The following CBLL1 variants were observed in gnomAD, a reference collection of about 807,000 sequenced individuals.
CBLL1 encodes Cbl proto-oncogene like 1, also known as E3 ubiquitin-protein ligase Hakai.
In CBLL1, 4 loss-of-function variants were observed where a neutral mutation model predicts 44.9. That is an observed-to-expected ratio of 0.09 (90% CI 0.04 to 0.20). The LOEUF is 0.20. Ranked by LOEUF, CBLL1 falls within the 10% of genes least tolerant of loss-of-function variation. The pLI, the probability that CBLL1 is intolerant of heterozygous loss-of-function variation, is 1.00. For synonymous variants in CBLL1, 235 were observed against 202.2 expected, an observed-to-expected ratio of 1.16 and a Z score of -1.38; for missense variants, 569 against 636.7, an observed-to-expected ratio of 0.89 and a Z score of 1.14.
chr7:107,748,880 A>C lies in CBLL1; in HGVS notation c.14A>C (p.Asp5Ala). Residue 5 changes from aspartate to alanine, a missense_variant and splice_region_variant, in exon 2 of 6, where the codon GAC (aspartate) becomes GCC (alanine). This residue lies in a region of CBLL1 where 209 missense variants were observed against 202.8 expected (regional missense o/e 1.03). Coordinates refer to ENST00000440859, the MANE Select transcript of CBLL1 (RefSeq NM_024814.4). The part of the protein sequence containing the change: MDHT[D>A]NELQGTNSSG... ...TTACAACTTTTTTTTCCTAACACAGACAATGAGTTACAAGGCACTAATAGT... is the reference window on the plus strand; with the variant it reads ...TTACAACTTTTTTTTCCTAACACAGCCAATGAGTTACAAGGCACTAATAGT... The C allele has an allele frequency of 6.3e-7, 1 of 1,586,850 alleles. No individual in the cohort carries two copies. Among genetic ancestry groups the C allele is most frequent in the Non-Finnish European group, 8.5e-7 (1 of 1,169,988 alleles).
rs1373508431 is a variant in CBLL1, at chr7:107,758,458, C to G, written c.756C>G (p.His252Gln). 1.2e-6 allele frequency: 2 copies of G among 1,614,132 alleles called. No individual in the cohort carries two copies. The highest frequency in any genetic ancestry group is 2.2e-5 in the South Asian group (2 of 91,078). ...CTTTGCAACATGTGCCACATGAGCA[C>G]TATAATCAGCCACATGAGGATATTC... Reference protein sequence around the residue: ...PPPLQHVPHEHYNQPHEDIRA... With the variant: ...PPPLQHVPHEQYNQPHEDIRA... Residue 252 changes from histidine (H) to glutamine (Q), a missense_variant, in exon 6 of 6, where the codon CAC becomes CAG. His to Gln is a conservative substitution (Grantham distance 24, BLOSUM62 0). Transcript: ENST00000440859. The surrounding 1 kb of genome is among the most constrained non-coding windows in gnomAD (Gnocchi z 4.2).
chr7:107,749,802 A>C (rs1793195659), intron 2 of CBLL1, among the ~76,000 whole-genome samples: 1 of 152,018 alleles, frequency 6.6e-6, no homozygotes, highest in Non-Finnish European at 1.5e-5. Context: ...TTTTGATGTA[A>C]ATTTATTTTA....
Position 107,758,864 on chromosome 7 carries a change from C to A in CBLL1, c.1162C>A (p.Pro388Thr). 6.2e-7 allele frequency: 1 copy of A among 1,614,022 alleles called. No individual in the cohort carries two copies. The highest frequency in any genetic ancestry group is 8.5e-7 in the Non-Finnish European group (1 of 1,179,982). ...TGCTCCACCACCAATAACCCCTCCCCCTGGACATATTATTGCCCAGATGCC... is the reference window on the plus strand; with the variant it reads ...TGCTCCACCACCAATAACCCCTCCCACTGGACATATTATTGCCCAGATGCC... ...TSAPPPITPP[P>T]GHIIAQMPPY... The change falls in exon 6 of 6, where the codon CCT becomes ACT. Residue 388 changes from proline (P) to threonine (T), a missense_variant. Coordinates refer to ENST00000440859, the MANE Select transcript of CBLL1 (RefSeq NM_024814.4). The surrounding 1 kb of genome is among the most constrained non-coding windows in gnomAD (Gnocchi z 4.2).
At chr7:107,745,955 T>C (rs976825935) in intron 1 of CBLL1, among the ~76,000 whole-genome samples, 1 of 152,220 alleles carries the variant, frequency 6.6e-6, no homozygotes, top group African/African-American at 2.4e-5. Flanking sequence ...AGATCTGCAC[T>C]GAAAATACGT....
chr7:107,757,407 A>G (rs1014897948), intron 5 of CBLL1, among the ~76,000 whole-genome samples: 1 of 152,168 alleles, frequency 6.6e-6, no homozygotes, highest in African/African-American at 2.4e-5. Context: ...TCAGATTCCT[A>G]TTTCAGTCCT....
chr7:107,744,378 C>T lies in CBLL1; in HGVS notation c.13+202C>T, dbSNP rs539268099. On this transcript the variant is annotated intron_variant, in intron 1 of 5. Coordinates refer to ENST00000440859, the MANE Select transcript of CBLL1 (RefSeq NM_024814.4). ...CCGTCTGGTGTGGTACCTACCTCCT[C>T]CGTGCCGGCAACAACCGCTCCTACT... 3.3e-5 allele frequency: 19 copies of T among 582,908 alleles called. No homozygotes were observed. The East Asian group carries it at 5.1e-4, about 16-fold the overall frequency. 36.1% of individuals were successfully genotyped at this position (582,908 alleles called of 1,614,324 possible).
chr7:107,749,221 T>C (rs1374139950), intron 2 of CBLL1, 174 bp downstream of exon 2: 1 of 505,552 alleles, frequency 2.0e-6, no homozygotes, highest in Non-Finnish European at 3.2e-6. Flanking sequence ...TTTATAAATA[T>C]TTTTTGATTT....
At chr7:107,748,090 C>T (rs953100836) in intron 1 of CBLL1, among the ~76,000 whole-genome samples, 1 of 152,016 alleles carries the variant, frequency 6.6e-6, no homozygotes, top group Admixed American at 6.5e-5. Context: ...AAATAATACT[C>T]CTGTTACTCA....
chr7:107,754,522 A>T, intron 4 of CBLL1, among the ~76,000 whole-genome samples: 1 of 152,144 alleles, frequency 6.6e-6, no homozygotes, highest in East Asian at 1.9e-4. Context: ...TTTAGAAAAA[A>T]AAAATTGAAT....
chr7:107,756,414 G>C (rs537058313), intron 5 of CBLL1, among the ~76,000 whole-genome samples: 1 of 152,176 alleles, frequency 6.6e-6, no homozygotes, highest in Admixed American at 6.5e-5. Flanking sequence ...GTTTTTATTA[G>C]CATTTTAAAG....
Position 107,759,335 on chromosome 7 carries a change from T to A in CBLL1, c.*157T>A. Reference sequence around the variant, plus strand: ...TTAAAATGGTTTTAAATCTTGACCTTAAGATTGATTTCAAGTACCATACTG... The same window carrying A: ...TTAAAATGGTTTTAAATCTTGACCTAAAGATTGATTTCAAGTACCATACTG... On this transcript the variant is annotated 3_prime_UTR_variant, in exon 6 of 6. Transcript: ENST00000440859. 1 of 649,398 alleles carries A rather than the reference T, an allele frequency of 1.5e-6. No individual in the cohort carries two copies. The highest frequency in any genetic ancestry group is 2.6e-6 in the Non-Finnish European group (1 of 386,986). The allele number at this position is 649,398 out of a possible 1,614,324, so 40.2% of individuals were successfully genotyped here.
intron 1 of CBLL1, chr7:107,744,960 TAGAG>T (rs1792935666): frequency 6.6e-6 from 1 of 152,126 alleles, no homozygotes; most frequent in African/African-American, 2.4e-5. Flanking sequence ...GTATCACAAA[TAGAG>T]AAAAAAAGGC....
At chr7:107,747,449 GA>G (rs1793072132) in intron 1 of CBLL1, among the ~76,000 whole-genome samples, 1 of 152,114 alleles carries the variant, frequency 6.6e-6, no homozygotes, top group South Asian at 2.1e-4. Context: ...AATACTTTTT[GA>G]GCAAGGAAAA....
Position 107,759,392 on chromosome 7 carries a change from C to A in CBLL1, c.*214C>A. Reference sequence around the variant, plus strand: ...AGATAAGTGGCTCAGTTGAGCACAGCTATATTTTAACATCTCTTTGTTCCC... The same window carrying A: ...AGATAAGTGGCTCAGTTGAGCACAGATATATTTTAACATCTCTTTGTTCCC... On this transcript the variant is annotated 3_prime_UTR_variant, in exon 6 of 6. Coordinates refer to ENST00000440859, the MANE Select transcript of CBLL1 (RefSeq NM_024814.4). 1 of 421,682 alleles carries A rather than the reference C, an allele frequency of 2.4e-6. No homozygotes were observed. Among genetic ancestry groups the A allele is most frequent in the Non-Finnish European group, 4.2e-6 (1 of 238,658 alleles). The allele number at this position is 421,682 out of a possible 1,614,324, so 26.1% of individuals were successfully genotyped here.
In CBLL1 at chr7:107,758,630, C is replaced by A; in HGVS notation, c.928C>A (p.Pro310Thr). 6.2e-7 allele frequency: 1 copy of A among 1,614,010 alleles called. No homozygotes were observed. Among genetic ancestry groups the A allele is most frequent in the Non-Finnish European group, 8.5e-7 (1 of 1,179,958 alleles). Residue 310 changes from proline (P) to threonine (T), a missense_variant, in exon 6 of 6, where the codon CCT (proline) becomes ACT (threonine). Physicochemically the swap from Pro to Thr is conservative, Grantham distance 38. Around this residue, in one of 5 missense-constraint regions of CBLL1, gnomAD observed 228 missense variants for 253.2 expected, o/e 0.90. Coordinates refer to ENST00000440859, the MANE Select transcript of CBLL1 (RefSeq NM_024814.4). The surrounding 1 kb of genome is among the most constrained non-coding windows in gnomAD (Gnocchi z 4.2). ...DSNSGAREPP[P>T]PAPAPAHHHP... ...AAATTCAGGTGCTAGAGAACCACCA[C>A]CTCCTGCCCCAGCACCTGCTCACCA... is the stretch of plus-strand genomic sequence containing the variant.
In CBLL1 at chr7:107,753,498, T is replaced by A; in HGVS notation, c.269T>A (p.Phe90Tyr). Reference sequence around the variant, plus strand: ...CAGCGAAGATTTCCTGGACACCTTTTTTGGGACTTTCAGGTATAATTAAAA... The same window carrying A: ...CAGCGAAGATTTCCTGGACACCTTTATTGGGACTTTCAGGTATAATTAAAA... ...ANQRRFPGHL[F>Y]WDFQINILGE... The change falls in exon 3 of 6, where the codon TTT becomes TAT. Residue 90 changes from phenylalanine (F) to tyrosine (Y), a missense_variant. Phe to Tyr is a conservative substitution (Grantham distance 22, BLOSUM62 3). Transcript: ENST00000440859. 6.3e-7 allele frequency: 1 copy of A among 1,576,980 alleles called. No homozygotes were observed. Among genetic ancestry groups the A allele is most frequent in the South Asian group, 1.2e-5 (1 of 82,852 alleles).
chr7:107,755,284 GT>G (rs1246875908), intron 4 of CBLL1, 133 bp from the exon 5 acceptor site: 1 of 339,518 alleles, frequency 2.9e-6, no homozygotes, highest in Non-Finnish European at 5.3e-6. Context: ...ATTATAATTA[GT>G]ACTTAATAAA....
intron 1 of CBLL1, among the ~76,000 whole-genome samples, chr7:107,746,650 A>G (rs1283047250): frequency 6.6e-6 from 1 of 152,250 alleles, no homozygotes; most frequent in Admixed American, 6.5e-5. Context: ...TAATTGTAAT[A>G]TTAAAGGATT....
chr7:107,754,081 A>T (rs1047553883), intron 4 of CBLL1, 103 bp downstream of exon 4: 24 of 537,596 alleles, frequency 4.5e-5, no homozygotes, highest in Admixed American at 9.8e-5. Context: ...AGTTTGCAAA[A>T]TTTTAAATAA....
Sources: gnomAD v4.1 joint callset for allele counts (sites outside exome capture counted in the v4.1 genomes callset) on GRCh38, gnomAD v4.1.1 for gene constraint, gnomAD v4.1.1 regional missense constraint, Gnocchi (gnomAD v3.1) non-coding constraint, MANE v1.5 for transcripts, NCBI Gene and HGNC (gene_info 2026-07-23, HGNC 2026-07-21) for gene names.